PAN3: variants seen among roughly 807,000 people sequenced by gnomAD.
PAN3 encodes PAN2-PAN3 deadenylation complex subunit PAN3.
In PAN3, 19 loss-of-function variants were observed where a neutral mutation model predicts 96.2. That is an observed-to-expected ratio of 0.20 (90% CI 0.14 to 0.29). The LOEUF (loss-of-function observed/expected upper bound fraction) is 0.29. PAN3 is among the 10% of genes least tolerant of loss of function. The pLI, the probability that PAN3 is intolerant of heterozygous loss-of-function variation, is 1.00. For synonymous variants in PAN3, 433 were observed against 406.6 expected, an observed-to-expected ratio of 1.06 and a Z score of -0.78; for missense variants, 882 against 1,108.1, an observed-to-expected ratio of 0.80 and a Z score of 2.90.
chr13:28,241,607 A>G (rs1174118943), intron 6 of PAN3, among the ~76,000 whole-genome samples: 1 of 151,748 alleles, frequency 6.6e-6, no homozygotes, highest in Non-Finnish European at 1.5e-5. Flanking sequence ...TACTCTTTGA[A>G]TCATAAGGAA....
intron 6 of PAN3, among the ~76,000 whole-genome samples, chr13:28,235,903 T>TA (rs1166547390): frequency 6.7e-6 from 1 of 148,284 alleles, no homozygotes; most frequent in East Asian, 2.0e-4. Flanking sequence ...TTTTTTTTTT[T>TA]ATGGAGTTGT....
chr13:28,294,541 C>G lies in PAN3; in HGVS notation c.*2019C>G, dbSNP rs1870116052. The G allele has an allele frequency of 6.6e-6, 1 of 152,494 alleles. No individual in the cohort carries two copies. The highest frequency in any genetic ancestry group is 2.4e-5 in the African/African-American group (1 of 41,416). The allele number at this position is 152,494 out of a possible 1,614,324, so 9.4% of individuals were successfully genotyped here. ...CTATTTTAGTTTTGGGGTCTGGGAA[C>G]TTTTTGAAAATTTAATTTGTGGACC... On this transcript the variant is annotated 3_prime_UTR_variant, in exon 19 of 19. Coordinates refer to ENST00000380958, the MANE Select transcript of PAN3 (RefSeq NM_175854.8).
chr13:28,146,022 A>C (rs912548887), intron 1 of PAN3, among the ~76,000 whole-genome samples: 5 of 151,902 alleles, frequency 3.3e-5, no homozygotes, highest in Admixed American at 2.6e-4. Flanking sequence ...CAGCCTCCCA[A>C]AGTGCTGGGA....
At chr13:28,251,968 A>G (rs376028561) in intron 6 of PAN3, among the ~76,000 whole-genome samples, 2 of 148,220 alleles carry the variant, frequency 1.3e-5, no homozygotes, top group South Asian at 2.2e-4. Flanking sequence ...GCTCACGGCA[A>G]CCTCCACCTC....
At chr13:28,288,861 C>CACTT (rs60521256) in intron 18 of PAN3, among the ~76,000 whole-genome samples, 1 of 123,702 alleles carries the variant, frequency 8.1e-6, no homozygotes, top group East Asian at 2.7e-4. Flanking sequence ...GACGGAGTCT[C>CACTT]TGTCACCCAG....
At chr13:28,194,142 G>C (rs2138212197) in intron 4 of PAN3, among the ~76,000 whole-genome samples, 1 of 145,764 alleles carries the variant, frequency 6.9e-6, no homozygotes, top group South Asian at 2.1e-4. Flanking sequence ...GGGCGATGGA[G>C]TCTCAAAAAA....
intron 18 of PAN3, among the ~76,000 whole-genome samples, 181 bp downstream of exon 18, chr13:28,288,303 T>G (rs1198609183): frequency 1.3e-5 from 2 of 152,180 alleles, no homozygotes; most frequent in Non-Finnish European, 2.9e-5. Flanking sequence ...CATGAATAAT[T>G]TTTTGGGGCA....
rs45493596 is a variant in PAN3, at chr13:28,173,768, C to T, written c.431-504C>T. Among the ~76,000 whole-genome samples, 583 of 152,336 alleles carry T rather than the reference C, an allele frequency of 3.8e-3. 4 individuals are homozygous for T. Among genetic ancestry groups the T allele is most frequent in the African/African-American group, 0.013 (560 of 41,578 alleles). On this transcript the variant is annotated intron_variant, in intron 1 of 18. Transcript: ENST00000380958. ...TCCTTCAGTATCATCCTACCCTAAA[C>T]TCTAAAGAGAACTATCAGTATTCCT...
At chr13:28,156,256 A>G (rs1273136128) in intron 1 of PAN3, among the ~76,000 whole-genome samples, 1 of 152,212 alleles carries the variant, frequency 6.6e-6, no homozygotes, top group Non-Finnish European at 1.5e-5. Context: ...GAAATACAAA[A>G]AACCCTCAGA....
chr13:28,141,108 A>G (rs941534515), intron 1 of PAN3, among the ~76,000 whole-genome samples: 1 of 150,254 alleles, frequency 6.7e-6, no homozygotes, highest in African/African-American at 2.5e-5. Flanking sequence ...GGTTCAAGCA[A>G]TTCTCCTGCC....
At position 28,158,217 on chromosome 13, in the gene PAN3, TAAA is replaced by T. The variant is rs542280560; in HGVS notation, c.431-16054_431-16052del. Among the ~76,000 whole-genome samples the T allele has an allele frequency of 2.5e-3, 377 of 152,282 alleles. 2 individuals carry two copies. Among genetic ancestry groups the T allele is most frequent in the African/African-American group, 8.5e-3 (355 of 41,566 alleles). The stretch of plus-strand genomic sequence containing the variant: ...ATTAACTCATGGTGGATTAAAGACT[TAAA>T]TGTAAAACCTAAAACTATAAAAACC... On this transcript the variant is annotated intron_variant, in intron 1 of 18. Coordinates refer to ENST00000380958, the MANE Select transcript of PAN3 (RefSeq NM_175854.8).
At chr13:28,221,692 G>A (rs1881432042) in intron 6 of PAN3, among the ~76,000 whole-genome samples, 2 of 151,962 alleles carry the variant, frequency 1.3e-5, no homozygotes, top group South Asian at 4.1e-4. Context: ...CCCACCACTT[G>A]TTCCCTTACC....
At chr13:28,267,049 G>C in intron 10 of PAN3, 46 bp from the exon 11 acceptor site, 2 of 1,498,222 alleles carry the variant, frequency 1.3e-6, no homozygotes, top group Non-Finnish European at 1.8e-6. Context: ...GGAATATGAA[G>C]GAGACGTCAA....
intron 6 of PAN3, among the ~76,000 whole-genome samples, chr13:28,236,967 G>A (rs897869103): frequency 6.6e-6 from 1 of 152,144 alleles, no homozygotes; most frequent in Non-Finnish European, 1.5e-5. Flanking sequence ...TGATGATTTT[G>A]CATGACTATT....
chr13:28,224,131 A>G (rs541074788), intron 6 of PAN3, among the ~76,000 whole-genome samples: 43 of 151,916 alleles, frequency 2.8e-4, no homozygotes, highest in Admixed American at 2.2e-3. Context: ...TCGGCCTCCC[A>G]AAGTGCTGGG....
At chr13:28,144,085 A>G (rs957149237) in intron 1 of PAN3, among the ~76,000 whole-genome samples, 1 of 152,142 alleles carries the variant, frequency 6.6e-6, no homozygotes, top group African/African-American at 2.4e-5. Flanking sequence ...CAAGGTGGTA[A>G]GCTCTGATTA....
chr13:28,140,917 G>A (rs1038864956), intron 1 of PAN3, among the ~76,000 whole-genome samples: 1 of 151,988 alleles, frequency 6.6e-6, no homozygotes, highest in Non-Finnish European at 1.5e-5. Flanking sequence ...AAGTTTTGCT[G>A]GATGTGTGAG....
intron 6 of PAN3, among the ~76,000 whole-genome samples, chr13:28,233,967 C>T (rs1882844861): frequency 6.6e-6 from 1 of 152,130 alleles, no homozygotes; most frequent in Admixed American, 6.5e-5. Context: ...CATTGCTGGC[C>T]AGGACCCCTA....
chr13:28,273,644 C>A (rs981884881), intron 14 of PAN3, among the ~76,000 whole-genome samples: 2 of 151,870 alleles, frequency 1.3e-5, no homozygotes, highest in African/African-American at 4.8e-5. Context: ...GATTACTCTG[C>A]AAGTAACAAA....
Sources: allele counts gnomAD v4.1 joint callset (sites outside exome capture counted in the v4.1 genomes callset), GRCh38; gene constraint gnomAD v4.1.1; transcripts MANE v1.5; gene names NCBI Gene and HGNC (gene_info 2026-07-23, HGNC 2026-07-21).